The following MEMO1 variants were observed in gnomAD, a reference collection of about 807,000 sequenced individuals.
MEMO1 encodes protein MEMO1.
A neutral mutation model predicts 45.2 loss-of-function variants in MEMO1; 6 were observed. The ratio of observed to expected loss-of-function variants is 0.13; its 90% CI spans 0.07 to 0.26. The LOEUF (loss-of-function observed/expected upper bound fraction) is 0.26. Ranked by LOEUF, MEMO1 falls within the 10% of genes least tolerant of loss-of-function variation. The pLI is 1.00. For synonymous variants in MEMO1, 78 were observed against 124.3 expected, an observed-to-expected ratio of 0.63 and a Z score of 2.48; for missense variants, 184 against 370.5, an observed-to-expected ratio of 0.50 and a Z score of 4.13.
At chr2:31,875,487 T>G (rs1674422899) in intron 8 of MEMO1, among the ~76,000 whole-genome samples, 1 of 152,108 alleles carries the variant, frequency 6.6e-6, no homozygotes. Context: ...CCTCCCAAAC[T>G]TACATCTCTA....
At chr2:31,986,291 C>T (rs540007219) in intron 2 of MEMO1, among the ~76,000 whole-genome samples, 2 of 152,008 alleles carry the variant, frequency 1.3e-5, no homozygotes, top group Admixed American at 6.6e-5. Context: ...CCCAGCCAGT[C>T]GGGAGGCTGA....
At chr2:31,907,633 A>C (rs1558493943) in intron 6 of MEMO1, among the ~76,000 whole-genome samples, 1 of 152,112 alleles carries the variant, frequency 6.6e-6, no homozygotes, top group Non-Finnish European at 1.5e-5. Context: ...CCTCTACAAA[A>C]AATACAAAAA....
chr2:31,910,761 G>A (rs1254352367), intron 6 of MEMO1, among the ~76,000 whole-genome samples: 1 of 152,148 alleles, frequency 6.6e-6, no homozygotes, highest in Non-Finnish European at 1.5e-5. Context: ...TCGAGAGGCT[G>A]AGGTGGGAGG....
At chr2:31,992,300 G>A (rs142339091) in intron 2 of MEMO1, among the ~76,000 whole-genome samples, 52 of 152,290 alleles carry the variant, frequency 3.4e-4, no homozygotes, top group Admixed American at 3.3e-3. Context: ...AACTATAGCT[G>A]CTTTCACAAT....
At chr2:31,931,751 C>A (rs1373791417) in intron 4 of MEMO1, among the ~76,000 whole-genome samples, 1 of 152,040 alleles carries the variant, frequency 6.6e-6, no homozygotes, top group Non-Finnish European at 1.5e-5. Flanking sequence ...TAAAACAGAT[C>A]AGAGGGCTTT....
intron 2 of MEMO1, among the ~76,000 whole-genome samples, chr2:31,949,943 A>C (rs1180814909): frequency 1.3e-5 from 2 of 152,232 alleles, no homozygotes; most frequent in Non-Finnish European, 2.9e-5. Context: ...AAAATTAAAA[A>C]GATACCATCA....
At chr2:31,982,954 A>G (rs897590638) in intron 2 of MEMO1, among the ~76,000 whole-genome samples, 1 of 152,018 alleles carries the variant, frequency 6.6e-6, no homozygotes, top group Non-Finnish European at 1.5e-5. Context: ...TTTAATATAC[A>G]TAGGCCAGGT....
At chr2:31,894,161 G>T (rs1361750396) in intron 6 of MEMO1, among the ~76,000 whole-genome samples, 1 of 152,068 alleles carries the variant, frequency 6.6e-6, no homozygotes. Context: ...TCAACTAAAG[G>T]CAAAAACAAA....
chr2:31,981,529 T>C (rs1234407915), intron 2 of MEMO1, among the ~76,000 whole-genome samples: 1 of 152,238 alleles, frequency 6.6e-6, no homozygotes, highest in East Asian at 1.9e-4. Context: ...TTCTAAAACA[T>C]TGTGATATTT....
chr2:32,008,439 C>T (rs546903290), intron 2 of MEMO1, among the ~76,000 whole-genome samples: 2 of 152,280 alleles, frequency 1.3e-5, no homozygotes, highest in Admixed American at 6.5e-5. Context: ...AAAAAATTAG[C>T]TGGGCGTGGT....
chr2:31,951,003 G>GGACT (rs1216965557), intron 2 of MEMO1, among the ~76,000 whole-genome samples: 2 of 151,962 alleles, frequency 1.3e-5, no homozygotes, highest in African/African-American at 4.8e-5. Context: ...TGTTGCTTTG[G>GGACT]GACTGTCTTC....
At position 31,920,936 on chromosome 2, in the gene MEMO1, C is replaced by G. The variant is rs557412327; in HGVS notation, c.213-26G>C. On this transcript the variant is annotated intron_variant, in intron 4 of 9. Transcript: ENST00000404530. ...CTAGGAGATACACAACAAAAAAACA[C>G]GTAACAATTGCACTTCTACACAAAC... is the stretch of plus-strand genomic sequence containing the variant. The G allele has an allele frequency of 1.8e-4, 256 of 1,438,532 alleles. 2 individuals are homozygous for G. In the South Asian group the frequency reaches 2.9e-3, roughly 16 times the overall value. 89.1% of individuals were successfully genotyped at this position (1,438,532 alleles called of 1,614,324 possible). A position where few individuals can be genotyped will look rare whatever the true frequency, so the allele number is the denominator to read the frequency against.
At chr2:31,932,280 T>G (rs1393114697) in intron 3 of MEMO1, 145 bp from the exon 4 acceptor site, 2 of 618,450 alleles carry the variant, frequency 3.2e-6, no homozygotes, top group Non-Finnish European at 5.7e-6. Flanking sequence ...GTTAATGATG[T>G]GACTTCTAGA....
intron 2 of MEMO1, among the ~76,000 whole-genome samples, chr2:32,009,730 G>T (rs530164069): frequency 1.3e-5 from 2 of 152,262 alleles, no homozygotes; most frequent in African/African-American, 4.8e-5. Context: ...CCCTGGCTCG[G>T]CAAGAGGGCG....
chr2:31,964,658 G>A (rs1036935821), intron 2 of MEMO1, among the ~76,000 whole-genome samples: 2 of 151,904 alleles, frequency 1.3e-5, no homozygotes, highest in East Asian at 1.9e-4. Flanking sequence ...CCGAGATTCC[G>A]CCATTGCACT....
intron 2 of MEMO1, among the ~76,000 whole-genome samples, chr2:31,996,150 T>C (rs1252625824): frequency 6.7e-6 from 1 of 150,106 alleles, no homozygotes; most frequent in Admixed American, 6.7e-5. Context: ...ATCCTAGCAC[T>C]TTCGGAGGGA....
At chr2:31,917,489 G>A (rs911984584) in intron 6 of MEMO1, among the ~76,000 whole-genome samples, 13 of 152,010 alleles carry the variant, frequency 8.6e-5, no homozygotes, top group African/African-American at 2.4e-4. Context: ...ACAGTCTGTC[G>A]AGCATACCAT....
chr2:31,920,975 A>T (rs1682241242), intron 4 of MEMO1, 65 bp from the exon 5 acceptor site: 1 of 1,076,744 alleles, frequency 9.3e-7, no homozygotes, highest in Non-Finnish European at 1.4e-6. Flanking sequence ...ATTAAATAAA[A>T]GAGAAAAAAG....
chr2:31,904,534 T>C (rs1679383516), intron 6 of MEMO1, among the ~76,000 whole-genome samples: 1 of 152,230 alleles, frequency 6.6e-6, no homozygotes, highest in Non-Finnish European at 1.5e-5. Flanking sequence ...AACTGGATTC[T>C]AGAGCACGCA....
Sources: gnomAD v4.1 joint callset for allele counts (sites outside exome capture counted in the v4.1 genomes callset) on GRCh38, gnomAD v4.1.1 for gene constraint, MANE v1.5 for transcripts, NCBI Gene and HGNC (gene_info 2026-07-23, HGNC 2026-07-21) for gene names.